TRPC5: variants seen among roughly 807,000 people sequenced by gnomAD.
The protein encoded by TRPC5 is short transient receptor potential channel 5.
A neutral mutation model predicts 56.5 loss-of-function variants in TRPC5; 9 were observed. The observed-to-expected ratio is 0.16, with a 90% CI of 0.10 to 0.28. The LOEUF (loss-of-function observed/expected upper bound fraction) is 0.28. Ranked by LOEUF, TRPC5 falls within the 10% of genes least tolerant of loss-of-function variation. TRPC5 has a pLI of 1.00. For missense variants in TRPC5, 469 were observed against 748.9 expected, an observed-to-expected ratio of 0.63 and a Z score of 4.36; for synonymous variants, 282 against 278.5, an observed-to-expected ratio of 1.01 and a Z score of -0.13.
intron 1 of TRPC5, among the ~76,000 whole-genome samples, chrX:112,014,575 C>T (rs1357079479): frequency 1.8e-5 from 2 of 112,206 alleles, no homozygotes; most frequent in African/African-American, 6.5e-5. Context: ...ACAGCGATTG[C>T]TGCCAGCAAA....
chrX:111,876,814 C>T (rs1291375638), intron 3 of TRPC5, among the ~76,000 whole-genome samples: 7 of 111,681 alleles, frequency 6.3e-5, no homozygotes, highest in African/African-American at 2.3e-4. Context: ...CCTGGCTTCT[C>T]AAGGGTATGG....
chrX:112,071,938 G>A (rs765147882), intron 1 of TRPC5, among the ~76,000 whole-genome samples: 12 of 111,821 alleles, frequency 1.1e-4, no homozygotes, highest in Non-Finnish European at 1.9e-4. Context: ...GTGACTTTAA[G>A]GCCATCACTC....
intron 3 of TRPC5, among the ~76,000 whole-genome samples, chrX:111,889,106 G>A (rs926352651): frequency 9.8e-5 from 11 of 112,121 alleles, no homozygotes; most frequent in African/African-American, 3.2e-4. Context: ...AAATTTGGGA[G>A]TCATCTGCCT....
chrX:112,020,551 AAC>A (rs1929247552), intron 1 of TRPC5, among the ~76,000 whole-genome samples: 1 of 112,280 alleles, frequency 8.9e-6, no homozygotes, highest in Admixed American at 9.5e-5. Context: ...GAATGTAAAA[AAC>A]ACACACAGTT....
intron 1 of TRPC5, among the ~76,000 whole-genome samples, chrX:112,075,173 C>T (rs762986347): frequency 2.7e-5 from 3 of 112,257 alleles, no homozygotes; most frequent in East Asian, 2.8e-4. Context: ...AAAAGGATAA[C>T]GTTTTCTGTT....
chrX:111,956,832 A>G, intron 1 of TRPC5, among the ~76,000 whole-genome samples: 1 of 111,733 alleles, frequency 8.9e-6, no homozygotes, highest in East Asian at 2.8e-4. Context: ...TCGGTTAATC[A>G]GCACCTCCAC....
chrX:111,974,417 TC>T (rs1190221283), intron 1 of TRPC5, among the ~76,000 whole-genome samples: 1 of 110,117 alleles, frequency 9.1e-6, no homozygotes, highest in Admixed American at 9.7e-5. Context: ...ATTAATCTGT[TC>T]CCCCATAAAA....
At chrX:112,006,458 C>T (rs905025590) in intron 1 of TRPC5, among the ~76,000 whole-genome samples, 1 of 111,429 alleles carries the variant, frequency 9.0e-6, no homozygotes, top group Non-Finnish European at 1.9e-5. Context: ...GAGATAGGCA[C>T]TGTTGGTATC....
intron 1 of TRPC5, among the ~76,000 whole-genome samples, chrX:112,006,927 A>C (rs915708799): frequency 5.4e-5 from 6 of 111,676 alleles, no homozygotes; most frequent in Non-Finnish European, 1.1e-4. Context: ...AGGACTTTCA[A>C]GGTGGTAACA....
chrX:111,797,553 C>T (rs960780466), intron 7 of TRPC5, among the ~76,000 whole-genome samples: 2 of 111,877 alleles, frequency 1.8e-5, no homozygotes, highest in African/African-American at 3.2e-5. Flanking sequence ...ACTTATTAGA[C>T]CCACTGCTAG....
intron 1 of TRPC5, among the ~76,000 whole-genome samples, chrX:112,008,599 C>CAA (rs771663324): frequency 1.4e-5 from 1 of 74,040 alleles, no homozygotes. Flanking sequence ...GACTCTGTCT[C>CAA]AAAAAAAAAA....
Position 111,776,220 on chromosome X carries a change from G to A in TRPC5, c.*93C>T, listed in dbSNP as rs965116505. 6 of 863,841 alleles carry A rather than the reference G, an allele frequency of 6.9e-6. No homozygotes were observed. Among genetic ancestry groups the A allele is most frequent in the Admixed American group, 3.2e-5 (1 of 31,062 alleles). 71.2% of individuals were successfully genotyped at this position (863,841 alleles called of 1,213,427 possible). On this transcript the variant is annotated 3_prime_UTR_variant, in exon 11 of 11. Transcript: ENST00000262839. ...GTTTCACTCTCCTTTCTGGGGGGCA[G>A]GGGCAGTGAGGGAATCATATTCTGT...
chrX:112,014,780 C>A (rs886071161), intron 1 of TRPC5, among the ~76,000 whole-genome samples: 4 of 111,759 alleles, frequency 3.6e-5, no homozygotes, highest in Admixed American at 1.9e-4. Context: ...GGTAAAAGAT[C>A]TCCAGATGAC....
At chrX:111,992,609 T>G (rs965157695) in intron 1 of TRPC5, among the ~76,000 whole-genome samples, 1 of 108,152 alleles carries the variant, frequency 9.2e-6, no homozygotes, top group Non-Finnish European at 1.9e-5. Flanking sequence ...TTATTATTAT[T>G]ATTATTATTT....
intron 1 of TRPC5, among the ~76,000 whole-genome samples, chrX:112,020,916 G>A (rs769800331): frequency 9.3e-6 from 1 of 107,916 alleles, no homozygotes; most frequent in East Asian, 2.9e-4. Context: ...CATGACAGCA[G>A]TCAATTTTCA....
At chrX:112,074,488 G>A (rs1414695393) in intron 1 of TRPC5, among the ~76,000 whole-genome samples, 2 of 109,759 alleles carry the variant, frequency 1.8e-5, no homozygotes, top group East Asian at 5.7e-4. Context: ...TTCCCAAATG[G>A]GTTATCATTA....
At chrX:111,869,168 T>G (rs6642956) in intron 3 of TRPC5, among the ~76,000 whole-genome samples, 1 of 108,021 alleles carries the variant, frequency 9.3e-6, no homozygotes, top group Admixed American at 1.0e-4. Flanking sequence ...TTTTTTTTTG[T>G]AAACCACTGC....
chrX:111,989,122 T>C (rs1251419406), intron 1 of TRPC5, among the ~76,000 whole-genome samples: 1 of 111,821 alleles, frequency 8.9e-6, no homozygotes, highest in Non-Finnish European at 1.9e-5. Context: ...CCATTTTCCA[T>C]AATGACTTTG....
intron 1 of TRPC5, among the ~76,000 whole-genome samples, chrX:111,995,815 G>A (rs192237489): frequency 0.09 from 9,956 of 110,640 alleles, 938 homozygotes; most frequent in African/African-American, 0.28. Flanking sequence ...TGTGGGATGG[G>A]TGGTGATATC....
Sources: allele counts gnomAD v4.1 joint callset (sites outside exome capture counted in the v4.1 genomes callset), GRCh38; gene constraint gnomAD v4.1.1; transcripts MANE v1.5; gene names NCBI Gene and HGNC (gene_info 2026-07-23, HGNC 2026-07-21).